VEPH1: variants seen among roughly 807,000 people sequenced by gnomAD.
VEPH1 encodes ventricular zone expressed PH domain containing 1, also known as ventricular zone-expressed PH domain-containing protein homolog 1.
In VEPH1, 80 loss-of-function variants were observed where a neutral mutation model predicts 85.2. The observed-to-expected ratio is 0.94, with a 90% CI of 0.78 to 1.13. The LOEUF (loss-of-function observed/expected upper bound fraction) is 1.13, where lower values mean the gene tolerates loss of function less well. VEPH1 is among the 50% of genes most tolerant of loss of function. The pLI is 0.00. For synonymous variants in VEPH1, 297 were observed against 348.0 expected (o/e 0.85, Z 1.63); for missense variants, 955 against 980.5 (o/e 0.97, Z 0.35).
intron 3 of VEPH1, among the ~76,000 whole-genome samples, chr3:157,467,372 A>G (rs1028979372): frequency 3.9e-5 from 6 of 152,060 alleles, no homozygotes; most frequent in East Asian, 1.9e-4. Flanking sequence ...TGAGTGTCTA[A>G]CTTTTGAAAG....
chr3:157,451,862 T>TA (rs1734996400), intron 4 of VEPH1, among the ~76,000 whole-genome samples: 1 of 152,016 alleles, frequency 6.6e-6, no homozygotes, highest in African/African-American at 2.4e-5. Context: ...TACACTGAGA[T>TA]AAAAAAACAT....
At chr3:157,485,851 G>T (rs1738573928) in intron 2 of VEPH1, among the ~76,000 whole-genome samples, 2 of 151,914 alleles carry the variant, frequency 1.3e-5, no homozygotes, top group South Asian at 4.2e-4. Flanking sequence ...AAGAAAACAG[G>T]CAAAACTTAT....
At chr3:157,491,671 A>G (rs905118342) in intron 2 of VEPH1, among the ~76,000 whole-genome samples, 1 of 152,172 alleles carries the variant, frequency 6.6e-6, no homozygotes, top group Non-Finnish European at 1.5e-5. Flanking sequence ...CACAAAGCTG[A>G]AAGTGCTAAG....
chr3:157,420,689 G>T (rs547713774), intron 5 of VEPH1, among the ~76,000 whole-genome samples: 1 of 152,274 alleles, frequency 6.6e-6, no homozygotes, highest in South Asian at 2.1e-4. Context: ...TCGATTAGGT[G>T]TGTGAATAGG....
At chr3:157,387,459 G>A (rs562344858) in intron 6 of VEPH1, among the ~76,000 whole-genome samples, 3 of 152,188 alleles carry the variant, frequency 2.0e-5, no homozygotes, top group Non-Finnish European at 4.4e-5. Context: ...CACTAAAGTT[G>A]CACAGGTATA....
intron 6 of VEPH1, among the ~76,000 whole-genome samples, chr3:157,405,667 T>C (rs1456106): frequency 0.67 from 101,938 of 151,444 alleles, 34,674 homozygotes; most frequent in East Asian, 0.79. Flanking sequence ...GGATACCTTC[T>C]TCCTATTCCC....
intron 7 of VEPH1, among the ~76,000 whole-genome samples, chr3:157,371,603 G>A (rs1362763629): frequency 6.6e-6 from 1 of 152,168 alleles, no homozygotes; most frequent in Non-Finnish European, 1.5e-5. Context: ...GTCCCCAGGT[G>A]TCCAGTGACA....
intron 6 of VEPH1, among the ~76,000 whole-genome samples, chr3:157,396,017 G>A (rs1271285113): frequency 6.6e-6 from 1 of 152,160 alleles, no homozygotes; most frequent in Non-Finnish European, 1.5e-5. Context: ...GTGTCTGGCT[G>A]CACCTATCAA....
At position 157,363,466 on chromosome 3, in the gene VEPH1, C is replaced by G. The variant is rs778589629; in HGVS notation, c.1633G>C (p.Asp545His). ...TTTTTTAAGTGCAAGTAGAGCTTAT[C>G]TTGGTATTCTATAGGACTTGCAGTT... ...ETTASPIEYQ[D>H]KLYLHLKKNL... The change falls in exon 9 of 14, where the codon GAT (aspartate) becomes CAT (histidine). Residue 545 changes from aspartate (D) to histidine (H), a missense_variant. By Grantham distance (81) the Asp-to-His change is moderately conservative. Transcript: ENST00000362010. 9 of 1,613,928 alleles carry G rather than the reference C, an allele frequency of 5.6e-6. No homozygotes were observed. The highest frequency in any genetic ancestry group is 7.6e-6 in the Non-Finnish European group (9 of 1,179,950).
intron 7 of VEPH1, among the ~76,000 whole-genome samples, chr3:157,370,222 G>A (rs1727333361): frequency 6.6e-6 from 1 of 152,184 alleles, no homozygotes; most frequent in African/African-American, 2.4e-5. Flanking sequence ...AAACAAATTG[G>A]CCCTTGGGCT....
At chr3:157,379,452 T>C (rs1303520312) in intron 7 of VEPH1, among the ~76,000 whole-genome samples, 4 of 152,216 alleles carry the variant, frequency 2.6e-5, no homozygotes, top group Admixed American at 2.0e-4. Flanking sequence ...CTGTGAAATA[T>C]TCGACTTTCT....
In VEPH1 at chr3:157,284,207, TATTC is replaced by T. The variant is rs371914815; in HGVS notation, c.2128+2346_2128+2349del. On this transcript the variant is annotated intron_variant, in intron 12 of 13. Transcript: ENST00000362010. Reference sequence around the variant, plus strand: ...ATTTGACATTGCCATTTAAAAATATTATTCATTCATTCATTCATTCACTCACTCA... The same window carrying T: ...ATTTGACATTGCCATTTAAAAATATTATTCATTCATTCATTCACTCACTCA... Among the ~76,000 whole-genome samples the T allele has an allele frequency of 1.1e-4, 16 of 152,334 alleles. No homozygotes were observed. In the East Asian group the frequency reaches 2.9e-3, roughly 27 times the overall value.
chr3:157,368,476 G>GTTTTTTT (rs59050089), intron 7 of VEPH1, among the ~76,000 whole-genome samples: 1 of 140,384 alleles, frequency 7.1e-6, no homozygotes, highest in Non-Finnish European at 1.6e-5. Flanking sequence ...TAAACAATAA[G>GTTTTTTT]TTTTTTGTTT....
chr3:157,449,768 C>T (rs1033274757), intron 4 of VEPH1, among the ~76,000 whole-genome samples: 4 of 152,080 alleles, frequency 2.6e-5, no homozygotes, highest in African/African-American at 9.7e-5. Context: ...TGAAAATTTA[C>T]ATCTTTGCCA....
intron 1 of VEPH1, among the ~76,000 whole-genome samples, chr3:157,496,047 C>T (rs569450248): frequency 3.9e-5 from 6 of 152,166 alleles, no homozygotes; most frequent in Admixed American, 3.3e-4. Context: ...AGTACTTACC[C>T]TACTCCTACG....
At chr3:157,327,775 C>A (rs1722075346) in intron 9 of VEPH1, among the ~76,000 whole-genome samples, 1 of 152,146 alleles carries the variant, frequency 6.6e-6, no homozygotes, top group Non-Finnish European at 1.5e-5. Context: ...TGCCTGCTTG[C>A]TGCTTTATGT....
chr3:157,438,009 C>T, intron 4 of VEPH1: 2 of 1,382,314 alleles, frequency 1.4e-6, no homozygotes, highest in Non-Finnish European at 9.6e-7. Flanking sequence ...CTAGGGGAAG[C>T]TTTCATGGGA....
chr3:157,444,500 G>A (rs1734391892), intron 4 of VEPH1, among the ~76,000 whole-genome samples: 1 of 152,156 alleles, frequency 6.6e-6, no homozygotes, highest in East Asian at 1.9e-4. Context: ...TGTAGTTAGG[G>A]GCTGATAGGC....
rs1028241365 is a variant in VEPH1 at position 157,355,253 on chromosome 3, G to A, written c.1735+8111C>T. Among the ~76,000 whole-genome samples, 7 of 152,334 alleles carry A rather than the reference G, an allele frequency of 4.6e-5. 1 individual carries two copies. Among genetic ancestry groups the A allele is most frequent in the African/African-American group, 9.6e-5 (4 of 41,578 alleles). On this transcript the variant is annotated intron_variant, in intron 9 of 13. Transcript: ENST00000362010. ...TAAGTTCCAAGAAAGCAGAGTCCAT[G>A]TCTATTCTGCACACAGTTGTATCCC...
Sources: allele counts gnomAD v4.1 joint callset (sites outside exome capture counted in the v4.1 genomes callset), GRCh38; gene constraint gnomAD v4.1.1; transcripts MANE v1.5; gene names NCBI Gene and HGNC (gene_info 2026-07-23, HGNC 2026-07-21).